Variants in PPM1L observed in about 807,000 individuals in gnomAD.
PPM1L encodes the protein protein phosphatase 1L.
A neutral mutation model predicts 31.4 loss-of-function variants in PPM1L; 13 were observed. The observed-to-expected ratio is 0.41, with a 90% CI of 0.27 to 0.66. The LOEUF is 0.66. PPM1L is among the 30% of genes least tolerant of loss of function. PPM1L has a pLI of 0.29. For missense variants in PPM1L, 326 were observed against 453.7 expected (o/e 0.72, Z 2.56); for synonymous variants, 184 against 175.4 (o/e 1.05, Z -0.39).
In PPM1L at chr3:161,077,663, A is replaced by ATT. The variant is rs1720148536; in HGVS notation, c.*8506_*8507insTT. On this transcript the variant is annotated 3_prime_UTR_variant, in exon 4 of 4. Transcript: ENST00000498165. ...TTATATAGAAAGTTAACATTTCAGG[A>ATT]GCACAATTATTTCCTGATTTCAAAT... is the stretch of plus-strand genomic sequence containing the variant. 1 of 152,230 alleles carries ATT rather than the reference A, an allele frequency of 6.6e-6. No homozygotes were observed. Among genetic ancestry groups the ATT allele is most frequent in the African/African-American group, 2.4e-5 (1 of 41,454 alleles). The allele number at this position is 152,230 out of a possible 1,614,324, so 9.4% of individuals were successfully genotyped here. A position where few individuals can be genotyped will look rare whatever the true frequency, so the allele number is the denominator to read the frequency against.
At chr3:160,811,881 G>A (rs749211045) in intron 1 of PPM1L, among the ~76,000 whole-genome samples, 7 of 152,194 alleles carry the variant, frequency 4.6e-5, no homozygotes, top group East Asian at 1.9e-4. Flanking sequence ...CTGTAAAAAC[G>A]TTGCAACAGG....
intron 1 of PPM1L, among the ~76,000 whole-genome samples, chr3:160,764,472 TC>T (rs1367084693): frequency 2.3e-4 from 35 of 151,796 alleles, no homozygotes; most frequent in African/African-American, 8.2e-4. Context: ...TCTCTCTCTC[TC>T]TCTTTTTTTT....
chr3:161,013,810 G>T (rs1221095960), intron 2 of PPM1L, among the ~76,000 whole-genome samples: 1 of 151,982 alleles, frequency 6.6e-6, no homozygotes, highest in East Asian at 1.9e-4. Flanking sequence ...ATCTTTGTTG[G>T]TTTAAAGTCT....
At chr3:160,850,797 G>T (rs1467623682) in intron 1 of PPM1L, among the ~76,000 whole-genome samples, 2 of 151,514 alleles carry the variant, frequency 1.3e-5, no homozygotes, top group Non-Finnish European at 1.5e-5. Context: ...TCAATCTGCA[G>T]CTCCATGTCA....
chr3:160,779,452 GGCAGTGGAGT>G (rs1420335140), intron 1 of PPM1L, among the ~76,000 whole-genome samples: 1 of 152,072 alleles, frequency 6.6e-6, no homozygotes, highest in Non-Finnish European at 1.5e-5. Flanking sequence ...AGTGGTGAGG[GGCAGTGGAGT>G]GCAGTGGTTA....
chr3:161,009,123 ACT>A (rs1717804879), intron 2 of PPM1L, among the ~76,000 whole-genome samples: 1 of 152,034 alleles, frequency 6.6e-6, no homozygotes, highest in South Asian at 2.1e-4. Flanking sequence ...TTTTTGAATG[ACT>A]CTGATTATCA....
Position 160,873,074 on chromosome 3 carries a change from A to T in PPM1L, c.400-88662A>T, listed in dbSNP as rs533742000. Among the ~76,000 whole-genome samples, 35 of 152,324 alleles carry T rather than the reference A, an allele frequency of 2.3e-4. No homozygotes were observed. The East Asian group carries it at 2.7e-3, about 12-fold the overall frequency. On this transcript the variant is annotated intron_variant, in intron 1 of 3. Coordinates refer to ENST00000498165, the MANE Select transcript of PPM1L (RefSeq NM_139245.4). ...GTAGGTAATGTTAAAGATGATTTTT[A>T]AAAAAGTCACTGTGCAAAATTTCCT... is the stretch of plus-strand genomic sequence containing the variant.
intron 1 of PPM1L, among the ~76,000 whole-genome samples, chr3:160,888,134 A>G (rs758906493): frequency 4.6e-5 from 7 of 152,218 alleles, no homozygotes; most frequent in Non-Finnish European, 7.3e-5. Flanking sequence ...CTAGTGTGCA[A>G]AATAACCAGA....
intron 2 of PPM1L, among the ~76,000 whole-genome samples, chr3:161,019,977 T>C (rs1207281693): frequency 1.3e-5 from 2 of 151,954 alleles, no homozygotes; most frequent in Non-Finnish European, 2.9e-5. Context: ...ATACAAAAAA[T>C]TACCTGAGTG....
chr3:160,899,779 G>C (rs887281138), intron 1 of PPM1L, among the ~76,000 whole-genome samples: 2 of 152,060 alleles, frequency 1.3e-5, no homozygotes, highest in African/African-American at 2.4e-5. Context: ...TTTTCTATGT[G>C]GCCTGTGAAA....
At chr3:161,014,665 G>T (rs754034344) in intron 2 of PPM1L, among the ~76,000 whole-genome samples, 14 of 151,992 alleles carry the variant, frequency 9.2e-5, no homozygotes, top group Non-Finnish European at 1.5e-4. Flanking sequence ...AGTAGAGATG[G>T]GGTTTCACCT....
chr3:160,961,850 C>A lies in PPM1L; in HGVS notation c.514C>A (p.Gln172Lys). ...VLSYQTILEQ[Q>K]ILSIDREMLE... ...ATCTTACCAGACCATCCTTGAACAGCAGATTTTGTCAATTGACCGAGAAAT... is the reference window on the plus strand; with the variant it reads ...ATCTTACCAGACCATCCTTGAACAGAAGATTTTGTCAATTGACCGAGAAAT... Residue 172 changes from glutamine (Q) to lysine (K), a missense_variant, in exon 2 of 4, where the codon CAG becomes AAG. Coordinates refer to ENST00000498165, the MANE Select transcript of PPM1L (RefSeq NM_139245.4). 6.3e-7 allele frequency: 1 copy of A among 1,595,362 alleles called. No individual in the cohort carries two copies. The highest frequency in any genetic ancestry group is 2.3e-5 in the East Asian group (1 of 43,650).
chr3:160,874,793 T>C (rs940506455), intron 1 of PPM1L, among the ~76,000 whole-genome samples: 1 of 152,182 alleles, frequency 6.6e-6, no homozygotes, highest in Admixed American at 6.5e-5. Flanking sequence ...TGAGTCCAGG[T>C]ACCCTGAATA....
intron 1 of PPM1L, among the ~76,000 whole-genome samples, chr3:160,960,268 G>C (rs1218725379): frequency 6.6e-6 from 1 of 152,124 alleles, no homozygotes; most frequent in Non-Finnish European, 1.5e-5. Flanking sequence ...ATGAGGTACA[G>C]TTTGATGTTT....
rs529563516 is a variant in PPM1L at position 160,863,022 on chromosome 3, T to C, written c.400-98714T>C. 1.0e-3 allele frequency among the ~76,000 whole-genome samples: 159 copies of C among 152,346 alleles called. 1 individual carries two copies. Among genetic ancestry groups the C allele is most frequent in the African/African-American group, 3.5e-3 (144 of 41,590 alleles). On this transcript the variant is annotated intron_variant, in intron 1 of 3. Coordinates refer to ENST00000498165, the MANE Select transcript of PPM1L (RefSeq NM_139245.4). ...CTTTGCTAATTTTGACAGCCACTTATTCATTTACTAGCCTTTGTCCGACAC... is the reference window on the plus strand; with the variant it reads ...CTTTGCTAATTTTGACAGCCACTTACTCATTTACTAGCCTTTGTCCGACAC...
At chr3:160,843,423 CTT>C (rs1401356167) in intron 1 of PPM1L, among the ~76,000 whole-genome samples, 377 of 28,536 alleles carry the variant, frequency 0.013, 7 homozygotes, top group African/African-American at 0.046. Context: ...TATGGCAATT[CTT>C]TTATATATAT....
At chr3:160,792,472 A>G (rs924244556) in intron 1 of PPM1L, among the ~76,000 whole-genome samples, 2 of 152,064 alleles carry the variant, frequency 1.3e-5, no homozygotes, top group Non-Finnish European at 2.9e-5. Context: ...CAGAGTTCCC[A>G]TATGCTTTAC....
intron 1 of PPM1L, among the ~76,000 whole-genome samples, chr3:160,868,401 T>C (rs1172038193): frequency 1.3e-5 from 2 of 152,146 alleles, no homozygotes; most frequent in Non-Finnish European, 2.9e-5. Flanking sequence ...TCGGGGGAAC[T>C]AGAGAATTAG....
intron 1 of PPM1L, chr3:160,842,441 G>A: frequency 1.6e-6 from 1 of 629,064 alleles, no homozygotes. Flanking sequence ...GTAGAAAATG[G>A]ATGAACAGTG....
Sources: gnomAD v4.1 joint callset for allele counts (sites outside exome capture counted in the v4.1 genomes callset) on GRCh38, gnomAD v4.1.1 for gene constraint, MANE v1.5 for transcripts, NCBI Gene and HGNC (gene_info 2026-07-23, HGNC 2026-07-21) for gene names.